The following CHN2 variants were observed in gnomAD, a reference collection of about 807,000 sequenced individuals.
CHN2 encodes the protein chimerin 2, also known as beta-chimaerin.
In CHN2, 35 loss-of-function variants were observed where a neutral mutation model predicts 56.3. That is an observed-to-expected ratio of 0.62 (90% CI 0.47 to 0.82). The LOEUF is 0.82. CHN2 is among the 40% of genes least tolerant of loss of function. The pLI, the probability that CHN2 is intolerant of heterozygous loss-of-function variation, is 0.00. For synonymous variants in CHN2, 210 were observed against 212.8 expected (o/e 0.99, Z 0.12); for missense variants, 491 against 580.5 (o/e 0.85, Z 1.58).
At chr7:29,198,742 T>A (rs868106119) in intron 1 of CHN2, among the ~76,000 whole-genome samples, 43 of 152,334 alleles carry the variant, frequency 2.8e-4, no homozygotes, top group Admixed American at 2.0e-4. Flanking sequence ...TACATTTGCT[T>A]GTATAATTAA....
intron 3 of CHN2, chr7:29,380,795 T>C (rs960559475): frequency 4.6e-5 from 7 of 152,302 alleles, no homozygotes; most frequent in African/African-American, 1.4e-4. Context: ...TTCAAGCTCT[T>C]TGGGCTTAAA....
At chr7:29,363,811 G>A (rs1226055108) in intron 2 of CHN2, among the ~76,000 whole-genome samples, 2 of 152,126 alleles carry the variant, frequency 1.3e-5, no homozygotes, top group South Asian at 2.1e-4. Flanking sequence ...GAGCCATGTG[G>A]ATATCTTGGG....
At chr7:29,317,064 A>G (rs1257829796) in intron 1 of CHN2, among the ~76,000 whole-genome samples, 1 of 152,228 alleles carries the variant, frequency 6.6e-6, no homozygotes, top group Non-Finnish European at 1.5e-5. Flanking sequence ...TAAGTAACAC[A>G]TCTTGGTAAG....
chr7:29,355,581 G>A (rs1299514138), intron 2 of CHN2, among the ~76,000 whole-genome samples: 4 of 151,868 alleles, frequency 2.6e-5, no homozygotes. Flanking sequence ...CAGGACTGTG[G>A]TAGGAGGAGC....
intron 3 of CHN2, among the ~76,000 whole-genome samples, chr7:29,377,466 A>G (rs558085565): frequency 6.6e-6 from 1 of 152,326 alleles, no homozygotes; most frequent in South Asian, 2.1e-4. Context: ...TTCTGGTTTT[A>G]ATGTCCTCTT....
intron 2 of CHN2, among the ~76,000 whole-genome samples, chr7:29,187,311 A>G (rs1199235993): frequency 2.6e-5 from 4 of 152,028 alleles, no homozygotes; most frequent in African/African-American, 4.8e-5. Flanking sequence ...CAGATGTAAG[A>G]CATTATCATC....
At position 29,195,019 on chromosome 7, in the gene CHN2, C is replaced by A. The variant is rs1451509211; in HGVS notation, c.49+29C>A. On this transcript the variant is annotated intron_variant, in intron 1 of 12. Coordinates refer to ENST00000222792, the MANE Select transcript of CHN2 (RefSeq NM_004067.4). The stretch of plus-strand genomic sequence containing the variant: ...AGTTTCAGCCCGTCGGGCGCTGCTG[C>A]CGCGCCGGGTCTCGCCCCACTGCCC... 8.2e-6 allele frequency: 13 copies of A among 1,580,096 alleles called. No homozygotes were observed. In the African/African-American group the frequency reaches 1.8e-4, roughly 22 times the overall value.
At chr7:29,499,544 C>A (rs1789705203) in intron 8 of CHN2, among the ~76,000 whole-genome samples, 1 of 152,156 alleles carries the variant, frequency 6.6e-6, no homozygotes, top group South Asian at 2.1e-4. Context: ...CGAAAACCTA[C>A]TTGTGGACCC....
chr7:29,259,326 C>CA (rs61063244), intron 1 of CHN2, among the ~76,000 whole-genome samples: 3,190 of 147,098 alleles, frequency 0.022, 116 homozygotes, highest in African/African-American at 0.075. Context: ...GACCTTGTCT[C>CA]AAAAAAAAAA....
intron 6 of CHN2, among the ~76,000 whole-genome samples, chr7:29,461,283 G>A (rs1196173245): frequency 6.6e-6 from 1 of 152,192 alleles, no homozygotes; most frequent in African/African-American, 2.4e-5. Context: ...CCACCATGTA[G>A]AACTTAGGGT....
intron 2 of CHN2, among the ~76,000 whole-genome samples, chr7:29,156,035 A>G (rs536726016): frequency 6.6e-6 from 1 of 152,346 alleles, no homozygotes; most frequent in South Asian, 2.1e-4. Context: ...CTTCCCTTAA[A>G]TCAAAAGAGT....
At chr7:29,446,403 C>T (rs1339552646) in intron 6 of CHN2, among the ~76,000 whole-genome samples, 2 of 152,176 alleles carry the variant, frequency 1.3e-5, no homozygotes, top group Non-Finnish European at 2.9e-5. Flanking sequence ...CCTTAGATCC[C>T]TATGTGTATC....
chr7:29,314,313 A>C (rs1043357733), intron 1 of CHN2, among the ~76,000 whole-genome samples: 3 of 152,214 alleles, frequency 2.0e-5, no homozygotes, highest in African/African-American at 7.2e-5. Context: ...GATTCCACTT[A>C]TATGAAGTAC....
intron 1 of CHN2, among the ~76,000 whole-genome samples, chr7:29,265,901 C>A (rs1245669976): frequency 6.6e-6 from 1 of 152,174 alleles, no homozygotes; most frequent in Non-Finnish European, 1.5e-5. Context: ...AGAGTCACCT[C>A]AAGAAGACCC....
At chr7:29,179,221 G>T (rs943431083) in intron 2 of CHN2, among the ~76,000 whole-genome samples, 3 of 152,174 alleles carry the variant, frequency 2.0e-5, no homozygotes, top group African/African-American at 4.8e-5. Flanking sequence ...CCTTCAGAAG[G>T]CTCCATCCCC....
At chr7:29,348,216 G>A (rs1797612345) in intron 1 of CHN2, among the ~76,000 whole-genome samples, 1 of 152,174 alleles carries the variant, frequency 6.6e-6, no homozygotes, top group Non-Finnish European at 1.5e-5. Flanking sequence ...ACATGGAGGA[G>A]CTTTCTGTAG....
At chr7:29,432,051 C>T (rs1782893713) in intron 6 of CHN2, among the ~76,000 whole-genome samples, 1 of 152,188 alleles carries the variant, frequency 6.6e-6, no homozygotes, top group Non-Finnish European at 1.5e-5. Context: ...GGGTTTGGGA[C>T]TCACAGCTGA....
At chr7:29,219,143 C>T (rs574733645) in intron 1 of CHN2, among the ~76,000 whole-genome samples, 2 of 152,202 alleles carry the variant, frequency 1.3e-5, no homozygotes, top group East Asian at 1.9e-4. Context: ...CTGAAAAAGT[C>T]GACTCTCCTA....
chr7:29,194,639 C>T (rs562031075), upstream of CHN2: 101 of 309,708 alleles, frequency 3.3e-4, no homozygotes, highest in African/African-American at 2.1e-3. Flanking sequence ...CGGCGGGAGC[C>T]GAGATCCGCC....
Sources: allele counts gnomAD v4.1 joint callset (sites outside exome capture counted in the v4.1 genomes callset), GRCh38; gene constraint gnomAD v4.1.1; transcripts MANE v1.5; gene names NCBI Gene and HGNC (gene_info 2026-07-23, HGNC 2026-07-21).